Variants in ADNP2 observed in about 807,000 individuals in gnomAD.
ADNP2 encodes ADNP homeobox 2.
A neutral mutation model predicts 16.4 loss-of-function variants in ADNP2; 8 were observed. The ratio of observed to expected loss-of-function variants is 0.49; its 90% CI spans 0.29 to 0.88. The LOEUF is 0.88. Among genes scored for constraint, ADNP2 ranks in the 40% least tolerant of loss-of-function variants. ADNP2 has a pLI of 0.09. For synonymous variants in ADNP2, 637 were observed against 545.8 expected (o/e 1.17, Z -2.33); for missense variants, 1,397 against 1,395.1 (o/e 1.00, Z -0.02).
At chr18:80,110,467 A>AT in intron 1 of ADNP2, among the ~76,000 whole-genome samples, 1 of 152,138 alleles carries the variant, frequency 6.6e-6, no homozygotes. Context: ...GACAATGCAG[A>AT]TTGGCAAGTG....
At chr18:80,131,337 A>G (rs553612574) in intron 2 of ADNP2, among the ~76,000 whole-genome samples, 2 of 152,296 alleles carry the variant, frequency 1.3e-5, no homozygotes, top group South Asian at 4.1e-4. Context: ...TGTCTACACT[A>G]TAGGTCTTTT....
At position 80,136,280 on chromosome 18, in the gene ADNP2, T is replaced by G; in HGVS notation, c.867T>G (p.Pro289=). Residue 289 remains proline (P), a synonymous_variant, in exon 4 of 4, where the codon CCT becomes CCG. Coordinates refer to ENST00000262198, the MANE Select transcript of ADNP2 (RefSeq NM_014913.4). The part of the protein sequence containing the change: ...NGSAPSAPAQ[P]PCFHLALPQN... Reference sequence around the variant, plus strand: ...GTGCTCCAAGCGCTCCAGCGCAGCCTCCTTGCTTCCATCTTGCTTTGCCAC... The same window carrying G: ...GTGCTCCAAGCGCTCCAGCGCAGCCGCCTTGCTTCCATCTTGCTTTGCCAC... 6.2e-7 allele frequency: 1 copy of G among 1,613,600 alleles called. No individual in the cohort carries two copies. The highest frequency in any genetic ancestry group is 1.1e-5 in the South Asian group (1 of 91,076).
intron 2 of ADNP2, among the ~76,000 whole-genome samples, chr18:80,119,125 A>C (rs1256918395): frequency 6.6e-6 from 1 of 152,200 alleles, no homozygotes; most frequent in African/African-American, 2.4e-5. Context: ...GATATAATCA[A>C]ATTGTATAAG....
chr18:80,121,921 T>C (rs1224754353), intron 2 of ADNP2, among the ~76,000 whole-genome samples: 1 of 152,016 alleles, frequency 6.6e-6, no homozygotes, highest in Non-Finnish European at 1.5e-5. Context: ...AATCCTATAC[T>C]GGTTTTTTTT....
chr18:80,117,752 T>C, intron 2 of ADNP2, 102 bp downstream of exon 2: 1 of 807,838 alleles, frequency 1.2e-6, no homozygotes. Context: ...GCTGTTATAC[T>C]TCAGATGGCT....
chr18:80,117,682 G>A (rs756920962), intron 2 of ADNP2, 32 bp downstream of exon 2: 11 of 1,540,354 alleles, frequency 7.1e-6, no homozygotes, highest in Non-Finnish European at 9.7e-6. Context: ...ACTGGAATCT[G>A]GAGGTGAGAT....
intron 3 of ADNP2, among the ~76,000 whole-genome samples, chr18:80,133,484 T>G (rs903842869): frequency 6.6e-5 from 10 of 152,222 alleles, no homozygotes; most frequent in African/African-American, 2.2e-4. Flanking sequence ...ATAATTGTTC[T>G]GAGTAAAACA....
rs1234843110 is a variant in ADNP2, at chr18:80,137,002, C to A, written c.1589C>A (p.Ala530Asp). 2 of 1,614,176 alleles carry A rather than the reference C, an allele frequency of 1.2e-6. No homozygotes were observed. Among genetic ancestry groups the A allele is most frequent in the Admixed American group, 3.3e-5 (2 of 60,028 alleles). ...LSPNQTVSSSAVVPVNQGVNS... is the reference protein window; with the variant it reads ...LSPNQTVSSSDVVPVNQGVNS... ...CCCAACCAGACAGTCTCCTCCTCAG[C>A]TGTTGTGCCTGTAAACCAGGGTGTG... is the stretch of plus-strand genomic sequence containing the variant. The change falls in exon 4 of 4, where the codon GCT becomes GAT. Residue 530 changes from alanine to aspartate, a missense_variant. This residue lies in a region of ADNP2 where 777 missense variants were observed against 719.4 expected (regional missense o/e 1.08). Transcript: ENST00000262198. The surrounding 1 kb of genome is among the most constrained non-coding windows in gnomAD (Gnocchi z 4.2).
intron 1 of ADNP2, 85 bp downstream of exon 1, chr18:80,109,557 G>A (rs1390271346): frequency 2.1e-5 from 3 of 143,570 alleles, no homozygotes; most frequent in African/African-American, 7.5e-5. Context: ...GGTCCCCTCC[G>A]AGCCCCGCCC....
intron 1 of ADNP2, 144 bp from the exon 2 acceptor site, chr18:80,117,386 T>C: frequency 2.1e-6 from 1 of 471,490 alleles, no homozygotes; most frequent in Non-Finnish European, 3.7e-6. Context: ...ACCTCATTCA[T>C]TTGCATATGA....
intron 2 of ADNP2, among the ~76,000 whole-genome samples, chr18:80,120,801 C>T (rs986079086): frequency 3.3e-5 from 5 of 152,038 alleles, no homozygotes; most frequent in Non-Finnish European, 5.9e-5. Context: ...ATTACAGGCA[C>T]GTACCACCAA....
Position 80,137,977 on chromosome 18 carries a change from T to C in ADNP2, c.2564T>C (p.Val855Ala). 6.2e-7 allele frequency: 1 copy of C among 1,613,236 alleles called. No homozygotes were observed. Among genetic ancestry groups the C allele is most frequent in the Non-Finnish European group, 8.5e-7 (1 of 1,179,978 alleles). ...AGIHSKSLVP[V>A]YVKVRPQAEG... ...ATACACTCCAAGTCACTGGTGCCTGTGTATGTGAAGGTGAGGCCTCAGGCT... is the reference window on the plus strand; with the variant it reads ...ATACACTCCAAGTCACTGGTGCCTGCGTATGTGAAGGTGAGGCCTCAGGCT... The change falls in exon 4 of 4, where the codon GTG becomes GCG. Residue 855 changes from valine to alanine, a missense_variant. By Grantham distance (64) the Val-to-Ala change is moderately conservative. This residue lies in a region of ADNP2 where 611 missense variants were observed against 648.7 expected (regional missense o/e 0.94). Transcript: ENST00000262198. The surrounding 1 kb of genome is among the most constrained non-coding windows in gnomAD (Gnocchi z 4.2).
rs1599815030 is a variant in ADNP2 at position 80,128,138 on chromosome 18, T to G, written c.109-4965T>G. Among the ~76,000 whole-genome samples the G allele has an allele frequency of 2.0e-5, 3 of 152,388 alleles. No individual in the cohort carries two copies. The South Asian group carries it at 6.2e-4, about 32-fold the overall frequency. ...TTAATTCCAGCCTTCTTTATTCATT[T>G]CTGCTGCTCTAGCAGCATCTTTTAA... is the stretch of plus-strand genomic sequence containing the variant. On this transcript the variant is annotated intron_variant, in intron 2 of 3. Transcript: ENST00000262198.
At chr18:80,113,790 G>T (rs1261822458) in intron 1 of ADNP2, among the ~76,000 whole-genome samples, 1 of 152,154 alleles carries the variant, frequency 6.6e-6, no homozygotes, top group Non-Finnish European at 1.5e-5. Context: ...GGAGTGGTAT[G>T]TGGTTATGGT....
intron 2 of ADNP2, among the ~76,000 whole-genome samples, chr18:80,121,228 A>G (rs1400744981): frequency 6.7e-6 from 1 of 149,688 alleles, no homozygotes; most frequent in Non-Finnish European, 1.5e-5. Context: ...TCCCTCCCTC[A>G]CTTGCCATCC....
intron 3 of ADNP2, among the ~76,000 whole-genome samples, chr18:80,134,315 C>T (rs1413508554): frequency 5.9e-5 from 9 of 151,832 alleles, no homozygotes; most frequent in East Asian, 1.9e-4. Context: ...GCTGAGATCA[C>T]GCCACTGCAC....
At chr18:80,116,958 A>G (rs1383809817) in intron 1 of ADNP2, among the ~76,000 whole-genome samples, 2 of 152,134 alleles carry the variant, frequency 1.3e-5, no homozygotes, top group South Asian at 2.1e-4. Flanking sequence ...GCATCTTTTC[A>G]TGTACCTTAG....
rs1555731232 is a variant in ADNP2, at chr18:80,139,395, A to G, written c.*586A>G. ...TCTGTATTTTTTTAGGTTTATCCTAATAGCTGTTTTTTTTTTTAACCATAA... is the reference window on the plus strand; with the variant it reads ...TCTGTATTTTTTTAGGTTTATCCTAGTAGCTGTTTTTTTTTTTAACCATAA... On this transcript the variant is annotated 3_prime_UTR_variant, in exon 4 of 4. Transcript: ENST00000262198. 1 of 74,906 alleles carries G rather than the reference A, an allele frequency of 1.3e-5. No individual in the cohort carries two copies. Among genetic ancestry groups the G allele is most frequent in the East Asian group, 3.0e-4 (1 of 3,380 alleles). The allele number at this position is 74,906 out of a possible 1,614,324, so 4.6% of individuals were successfully genotyped here. A position where few individuals can be genotyped will look rare whatever the true frequency, so the allele number is the denominator to read the frequency against.
rs1401599031 is a variant in ADNP2 at position 80,138,360 on chromosome 18, G to A, written c.2947G>A (p.Gly983Ser). The A allele has an allele frequency of 1.9e-6, 3 of 1,613,940 alleles. No individual in the cohort carries two copies. The African/African-American group carries it at 4.0e-5, about 22-fold the overall frequency. The change falls in exon 4 of 4, where the codon GGC becomes AGC. Residue 983 changes from glycine (G) to serine (S), a missense_variant. Transcript: ENST00000262198. ...SFSVKRKLPD[G>S]HLGAEDQRHG... ...TTCTGTTAAGAGAAAGCTGCCTGAC[G>A]GCCACTTAGGGGCCGAAGACCAGCG...
Sources: gnomAD v4.1 joint callset for allele counts (sites outside exome capture counted in the v4.1 genomes callset) on GRCh38, gnomAD v4.1.1 for gene constraint, gnomAD v4.1.1 regional missense constraint, Gnocchi (gnomAD v3.1) non-coding constraint, MANE v1.5 for transcripts, NCBI Gene and HGNC (gene_info 2026-07-23, HGNC 2026-07-21) for gene names.